Variants in IL2RB observed in about 807,000 individuals in gnomAD.
IL2RB encodes interleukin 2 receptor subunit beta, also known as interleukin-2 receptor subunit beta.
Under a neutral mutation model 44.2 loss-of-function variants are expected in IL2RB, and 17 were observed. That is an observed-to-expected ratio of 0.38 (90% CI 0.26 to 0.58). IL2RB has a LOEUF of 0.58. IL2RB is among the 20% of genes least tolerant of loss of function. IL2RB has a pLI of 0.63. For synonymous variants in IL2RB, 286 were observed against 297.9 expected (o/e 0.96, Z 0.41); for missense variants, 624 against 685.5 (o/e 0.91, Z 1.00).
At chr22:37,170,338 C>T (rs1923236899) in intron 1 of IL2RB, among the ~76,000 whole-genome samples, 1 of 152,148 alleles carries the variant, frequency 6.6e-6, no homozygotes, top group South Asian at 2.1e-4. Flanking sequence ...GCTGACATCA[C>T]AGAAGGTGCA....
Position 37,128,904 on chromosome 22 carries a change from C to A in IL2RB, c.904-56G>T. 6.5e-7 allele frequency: 1 copy of A among 1,539,684 alleles called. No homozygotes were observed. ...TGGGGGCTTCCTTCACCCTCCACCC[C>A]TTCCTCTGGACTCTCAACAGCTCCT... On this transcript the variant is annotated intron_variant, in intron 9 of 9. Transcript: ENST00000216223. This position sits in a 1 kb window ranked among gnomAD's most constrained non-coding sequence, Gnocchi z 4.5.
chr22:37,155,587 C>T (rs944110441), intron 1 of IL2RB, among the ~76,000 whole-genome samples: 47 of 152,218 alleles, frequency 3.1e-4, no homozygotes, highest in African/African-American at 1.1e-3. Flanking sequence ...AGTCATCCTA[C>T]CAGAATGTGG....
chr22:37,166,268 G>A lies in IL2RB; in HGVS notation c.-34+8690C>T, dbSNP rs145221388. On this transcript the variant is annotated intron_variant, in intron 1 of 5. Coordinates refer to the IL2RB transcript ENST00000429622. ...GGGCACTCAGCGCCAGAGCCTCCCCGCCCCCCCACCTCCTGCCGAGAGGAA... is the reference window on the plus strand; with the variant it reads ...GGGCACTCAGCGCCAGAGCCTCCCCACCCCCCCACCTCCTGCCGAGAGGAA... 4.0e-3 allele frequency among the ~76,000 whole-genome samples: 570 copies of A among 143,906 alleles called. 6 individuals carry two copies. The highest frequency in any genetic ancestry group is 0.012 in the African/African-American group (491 of 40,222). The allele number at this position is 143,906 out of a possible 152,430, so 94.4% of individuals were successfully genotyped here. A position where few individuals can be genotyped will look rare whatever the true frequency, so the allele number is the denominator to read the frequency against.
At chr22:37,165,214 C>G (rs1043902285) in intron 1 of IL2RB, among the ~76,000 whole-genome samples, 1 of 152,226 alleles carries the variant, frequency 6.6e-6, no homozygotes, top group African/African-American at 2.4e-5. Flanking sequence ...CCATCTGGCT[C>G]CTAAGCACAT....
intron 3 of IL2RB, 44 bp downstream of exon 3, chr22:37,143,477 G>A (rs1247744265): frequency 1.5e-6 from 2 of 1,310,314 alleles, no homozygotes; most frequent in Non-Finnish European, 2.2e-6. Context: ...CAGAATATGA[G>A]ATCCCACCAT....
chr22:37,135,573 G>A (rs1377423202), intron 7 of IL2RB, 131 bp from the exon 8 acceptor site: 1 of 620,186 alleles, frequency 1.6e-6, no homozygotes, highest in Non-Finnish European at 2.9e-6. Context: ...CTGGGGACAG[G>A]GTTCTGCTAA....
At position 37,172,007 on chromosome 22, in the gene IL2RB, G is replaced by A. The variant is rs377540015; in HGVS notation, c.-34+2951C>T. ...GAGCTTTCCCCTGGGTTGAGAACCC[G>A]CAAGGGGATCTGACCTGTCTGAGCT... On this transcript the variant is annotated intron_variant, in intron 1 of 5. Coordinates refer to the IL2RB transcript ENST00000429622. Among the ~76,000 whole-genome samples, 9 of 152,168 alleles carry A rather than the reference G, an allele frequency of 5.9e-5. No homozygotes were observed. In the East Asian group the frequency reaches 9.7e-4, roughly 16 times the overall value.
chr22:37,130,796 C>A (rs1162096559), intron 9 of IL2RB, among the ~76,000 whole-genome samples: 2 of 152,238 alleles, frequency 1.3e-5, no homozygotes, highest in African/African-American at 2.4e-5. Flanking sequence ...GCTTGAATAC[C>A]TTTATAGATG....
chr22:37,132,524 T>G, intron 8 of IL2RB, 56 bp from the exon 9 acceptor site: 2 of 1,348,060 alleles, frequency 1.5e-6, no homozygotes, highest in Non-Finnish European at 2.1e-6. Flanking sequence ...ACCGCGGTGT[T>G]ATGCCATCGG....
intron 1 of IL2RB, among the ~76,000 whole-genome samples, chr22:37,161,277 G>A (rs1224289267): frequency 4.6e-5 from 7 of 152,222 alleles, no homozygotes. Context: ...AGGGAGGAGT[G>A]CAGCTGAGGG....
intron 4 of IL2RB, among the ~76,000 whole-genome samples, chr22:37,139,691 G>T (rs754515650): frequency 6.6e-6 from 1 of 152,144 alleles, no homozygotes; most frequent in Non-Finnish European, 1.5e-5. Flanking sequence ...TAGTGTGAAA[G>T]GCCCTCCCCT....
At chr22:37,170,171 G>A (rs9607420) in intron 1 of IL2RB, among the ~76,000 whole-genome samples, 136,734 of 151,768 alleles carry the variant, frequency 0.9, 62,930 homozygotes, top group East Asian at 1. Context: ...GACAGTGGAT[G>A]TGGATGGACA....
At chr22:37,134,661 C>T in intron 8 of IL2RB, among the ~76,000 whole-genome samples, 1 of 152,098 alleles carries the variant, frequency 6.6e-6, no homozygotes, top group Non-Finnish European at 1.5e-5. Context: ...TATCCACCAG[C>T]TTTGGTATCT....
At chr22:37,149,751 G>T in intron 1 of IL2RB, 74 bp downstream of exon 1, 1 of 704,660 alleles carries the variant, frequency 1.4e-6, no homozygotes, top group Non-Finnish European at 1.7e-6. Context: ...AGAGCTGAAA[G>T]TCTTCTCTGT....
chr22:37,153,659 A>G (rs979178115), upstream of IL2RB, among the ~76,000 whole-genome samples: 10 of 152,182 alleles, frequency 6.6e-5, no homozygotes, highest in Non-Finnish European at 1.2e-4. Flanking sequence ...AGCCTCAAAT[A>G]TTCCCAGAAG....
chr22:37,135,101 G>A (rs1921617901), intron 8 of IL2RB, among the ~76,000 whole-genome samples: 2 of 152,148 alleles, frequency 1.3e-5, no homozygotes, highest in Non-Finnish European at 2.9e-5. Flanking sequence ...TGCGACACAG[G>A]GAAAGGCCAG....
chr22:37,135,502 T>C, intron 7 of IL2RB, 60 bp from the exon 8 acceptor site: 3 of 1,117,162 alleles, frequency 2.7e-6, no homozygotes, highest in Non-Finnish European at 2.7e-6. Context: ...TCACTCACCC[T>C]GGGTCGGTCA....
upstream of IL2RB, among the ~76,000 whole-genome samples, chr22:37,150,742 C>T (rs901405827): frequency 1.3e-5 from 2 of 152,018 alleles, no homozygotes; most frequent in African/African-American, 4.8e-5. Context: ...CACTGCCCTT[C>T]CCATCTCCAT....
chr22:37,163,872 G>T (rs1419961210), intron 1 of IL2RB, among the ~76,000 whole-genome samples: 2 of 152,246 alleles, frequency 1.3e-5, no homozygotes, highest in Non-Finnish European at 2.9e-5. Context: ...GGCCAGGCTG[G>T]AGGAAACTGA....
Sources: allele counts gnomAD v4.1 joint callset (sites outside exome capture counted in the v4.1 genomes callset), GRCh38; gene constraint gnomAD v4.1.1; non-coding constraint Gnocchi (gnomAD v3.1); transcripts MANE v1.5; gene names NCBI Gene and HGNC (gene_info 2026-07-23, HGNC 2026-07-21).